The following CEP95 variants were observed in gnomAD, a reference collection of about 807,000 sequenced individuals.
The protein encoded by CEP95 is centrosomal protein 95, also known as centrosomal protein of 95 kDa.
Under a neutral mutation model 111.2 loss-of-function variants are expected in CEP95, and 98 were observed. The observed-to-expected ratio is 0.88, with a 90% CI of 0.75 to 1.04. The LOEUF is 1.04. Among genes scored for constraint, CEP95 ranks in the 50% least tolerant of loss-of-function variants. CEP95 has a pLI of 0.00. For synonymous variants in CEP95, 323 were observed against 327.1 expected, an observed-to-expected ratio of 0.99 and a Z score of 0.14; for missense variants, 1,027 against 977.2, an observed-to-expected ratio of 1.05 and a Z score of -0.68.
At chr17:64,506,927 C>A, upstream of CEP95, 1 of 752,662 alleles carries the variant, frequency 1.3e-6, no homozygotes, top group Non-Finnish European at 2.3e-6. Context: ...CCTCTGATGA[C>A]CAATCAGCGG....
chr17:64,516,726 A>G lies in CEP95; in HGVS notation c.371A>G (p.Glu124Gly), dbSNP rs1555676358. The G allele has an allele frequency of 1.9e-6, 3 of 1,597,524 alleles. No individual in the cohort carries two copies. Among genetic ancestry groups the G allele is most frequent in the South Asian group, 2.2e-5 (2 of 90,570 alleles). The change falls in exon 5 of 20, where the codon GAA becomes GGA. Residue 124 changes from glutamate to glycine, a missense_variant. Glu to Gly is a moderately conservative substitution (Grantham distance 98, BLOSUM62 -2). Transcript: ENST00000556440. ...TGTTTTTATCTGTTCTGAACAGGTG[A>G]AACTGAACAGTATTTTAAAGAATCT... ...RISETSHEKS[E>G]TEQYFKESDR... is the part of the protein sequence containing the mutation.
In CEP95 at chr17:64,534,684, T is replaced by A; in HGVS notation, c.2017T>A (p.Tyr673Asn). 6.2e-7 allele frequency: 1 copy of A among 1,613,364 alleles called. No homozygotes were observed. The highest frequency in any genetic ancestry group is 1.1e-5 in the South Asian group (1 of 90,976). ...TCGTGCTCGAAAATATTATGATGAT[T>A]ATAGAGTTCAGTTGTGTGCAAAAAT... ...IVRARKYYDDYRVQLCAKMMR... is the reference protein window; with the variant it reads ...IVRARKYYDDNRVQLCAKMMR... The change falls in exon 17 of 20, where the codon TAT becomes AAT. Residue 673 changes from tyrosine to asparagine, a missense_variant. Transcript: ENST00000556440.
At chr17:64,530,836 T>C (rs931155753) in intron 12 of CEP95, 90 bp from the exon 13 acceptor site, 1 of 677,740 alleles carries the variant, frequency 1.5e-6, no homozygotes. Context: ...ATCTCCTGTT[T>C]ACTAGACAGG....
intron 6 of CEP95, among the ~76,000 whole-genome samples, chr17:64,520,061 G>T (rs1035698629): frequency 6.6e-6 from 1 of 152,176 alleles, no homozygotes; most frequent in Non-Finnish European, 1.5e-5. Context: ...AGCTATGCTT[G>T]CCATTGGGAT....
chr17:64,510,232 G>T lies in CEP95; in HGVS notation c.208G>T (p.Asp70Tyr), dbSNP rs1221119615. 1 of 1,612,150 alleles carries T rather than the reference G, an allele frequency of 6.2e-7. No homozygotes were observed. Among genetic ancestry groups the T allele is most frequent in the East Asian group, 2.2e-5 (1 of 44,860 alleles). Residue 70 changes from aspartate to tyrosine, a missense_variant, in exon 3 of 20, where the codon GAT (aspartate) becomes TAT (tyrosine). Transcript: ENST00000556440. ...DDAHNVQAVI[D>Y]SLALDYLQVS... is the part of the protein sequence containing the mutation. ...TGCACACAATGTACAAGCAGTAATT[G>T]ATTCACTGGCCTTGGACTACTTGCA...
At chr17:64,523,340 G>A (rs1336774639) in intron 8 of CEP95, among the ~76,000 whole-genome samples, 1 of 152,122 alleles carries the variant, frequency 6.6e-6, no homozygotes, top group African/African-American at 2.4e-5. Flanking sequence ...CAATTACAGA[G>A]TCAGGATTTG....
At chr17:64,527,601 C>T (rs984096813) in intron 11 of CEP95, among the ~76,000 whole-genome samples, 2 of 152,050 alleles carry the variant, frequency 1.3e-5, no homozygotes, top group Admixed American at 6.5e-5. Flanking sequence ...TCATGCATTA[C>T]TTGTCTAAAC....
At chr17:64,509,119 G>C (rs952936731) in intron 2 of CEP95, among the ~76,000 whole-genome samples, 2 of 152,120 alleles carry the variant, frequency 1.3e-5, no homozygotes, top group East Asian at 1.9e-4. Context: ...GAATTTATTG[G>C]ATTCTGTTAC....
intron 19 of CEP95, 44 bp downstream of exon 19, chr17:64,537,156 G>A: frequency 1.3e-6 from 2 of 1,594,642 alleles, no homozygotes; most frequent in Non-Finnish European, 1.7e-6. Context: ...GCATGGCAAT[G>A]TTTCTTTCAG....
intron 1 of CEP95, chr17:64,507,505 C>T (rs967495244): frequency 1.2e-5 from 14 of 1,166,866 alleles, no homozygotes; most frequent in Middle Eastern, 7.1e-4. Flanking sequence ...TTTAAAGGAA[C>T]AGCATTCTTA....
chr17:64,510,964 G>A (rs950914458), intron 3 of CEP95, among the ~76,000 whole-genome samples: 2 of 152,184 alleles, frequency 1.3e-5, no homozygotes, highest in East Asian at 1.9e-4. Flanking sequence ...AAAGCTGGGC[G>A]TCTGGGGGAG....
At chr17:64,518,084 C>T (rs970412136) in intron 5 of CEP95, among the ~76,000 whole-genome samples, 9 of 152,124 alleles carry the variant, frequency 5.9e-5, no homozygotes, top group Non-Finnish European at 1.5e-5. Flanking sequence ...ACCGTGTTGG[C>T]AAGGCTGGTC....
Position 64,522,764 on chromosome 17 carries a change from G to T in CEP95, c.778G>T (p.Ala260Ser). The change falls in exon 8 of 20, where the codon GCT becomes TCT. Residue 260 changes from alanine to serine, a missense_variant. Transcript: ENST00000556440. ...GAAGCTAGGGGAGCCTATCCGAGCA[G>T]CTATTCCTTTACATCCACCCTACCA... is the stretch of plus-strand genomic sequence containing the variant. ...ARKLGEPIRA[A>S]IPLHPPYHPS... The T allele has an allele frequency of 6.2e-7, 1 of 1,613,906 alleles. No individual in the cohort carries two copies. The highest frequency in any genetic ancestry group is 1.1e-5 in the South Asian group (1 of 91,076).
chr17:64,537,056 G>A lies in CEP95; in HGVS notation c.2233G>A (p.Glu745Lys), dbSNP rs1598257553. ...YYKDQFSLLA[E>K]AISQEHQELK... The stretch of plus-strand genomic sequence containing the variant: ...CTATAAACAGTTTTCATTGCTGGCA[G>A]AAGCCATATCACAGGAACATCAAGA... The change falls in exon 19 of 20, where the codon GAA (glutamate) becomes AAA (lysine). Residue 745 changes from glutamate to lysine, a missense_variant. Glu to Lys is a moderately conservative substitution (Grantham distance 56). Transcript: ENST00000556440. 1 of 1,612,418 alleles carries A rather than the reference G, an allele frequency of 6.2e-7. No homozygotes were observed. The highest frequency in any genetic ancestry group is 8.5e-7 in the Non-Finnish European group (1 of 1,179,112).
chr17:64,533,247 TTATC>T lies in CEP95; in HGVS notation c.1917+58_1917+61del. 2.8e-6 allele frequency: 4 copies of T among 1,412,456 alleles called. No individual in the cohort carries two copies. In the South Asian group the frequency reaches 5.1e-5, roughly 18 times the overall value. 87.5% of individuals were successfully genotyped at this position (1,412,456 alleles called of 1,614,324 possible). On this transcript the variant is annotated intron_variant, in intron 16 of 19. Coordinates refer to ENST00000556440, the MANE Select transcript of CEP95 (RefSeq NM_138363.3). The stretch of plus-strand genomic sequence containing the variant: ...TCTGAATTTGTTATATTCATTCCCT[TTATC>T]TGTGCTAGCTGGGCAACAGTTGCAC...
intron 1 of CEP95, 189 bp downstream of exon 1, chr17:64,507,305 C>T: frequency 6.9e-7 from 1 of 1,454,636 alleles, no homozygotes; most frequent in South Asian, 1.5e-5. Context: ...GGCCGTGGAA[C>T]AGCAGTATGC....
chr17:64,507,412 T>C lies in CEP95; in HGVS notation c.19+296T>C, dbSNP rs73333916. The stretch of plus-strand genomic sequence containing the variant: ...GAAGGGTCGTCCCCGGACTTGTCTT[T>C]CTGTGGGGCGTCTAGCCGCTGTCCG... On this transcript the variant is annotated intron_variant, in intron 1 of 19. Transcript: ENST00000556440. The C allele has an allele frequency of 7.4e-3, 10,058 of 1,367,626 alleles. 71 individuals are homozygous for C. The highest frequency in any genetic ancestry group is 0.016 in the Middle Eastern group (60 of 3,698). 84.7% of individuals were successfully genotyped at this position (1,367,626 alleles called of 1,614,324 possible).
intron 11 of CEP95, among the ~76,000 whole-genome samples, chr17:64,527,507 G>T (rs1243838743): frequency 6.6e-6 from 1 of 152,100 alleles, no homozygotes; most frequent in African/African-American, 2.4e-5. Context: ...TCTCCCCACA[G>T]ATCTCTTTTC....
chr17:64,523,014 C>A, intron 8 of CEP95, 119 bp downstream of exon 8: 1 of 768,588 alleles, frequency 1.3e-6, no homozygotes, highest in Non-Finnish European at 2.1e-6. Context: ...AGTCTTTATT[C>A]TTTGTCAAGG....
Sources: allele counts gnomAD v4.1 joint callset (sites outside exome capture counted in the v4.1 genomes callset), GRCh38; gene constraint gnomAD v4.1.1; transcripts MANE v1.5; gene names NCBI Gene and HGNC (gene_info 2026-07-23, HGNC 2026-07-21).